SAMD5: variants seen among roughly 807,000 people sequenced by gnomAD.
SAMD5 encodes the protein sterile alpha motif domain containing 5.
A neutral mutation model predicts 11.3 loss-of-function variants in SAMD5; 13 were observed. That is an observed-to-expected ratio of 1.15 (90% CI 0.75 to 1.83). The LOEUF (loss-of-function observed/expected upper bound fraction) is 1.83, where lower values mean the gene tolerates loss of function less well. SAMD5 is among the 40% of genes most tolerant of loss of function. The probability of loss-of-function intolerance (pLI) is 0.00; values close to 1 mark genes in which losing one functional copy is unlikely to be tolerated. For synonymous variants in SAMD5, 129 were observed against 111.3 expected (o/e 1.16, Z -1.00); for missense variants, 255 against 239.1 (o/e 1.07, Z -0.44).
the SAMD5 span, among the ~76,000 whole-genome samples, chr6:147,755,901 C>T: frequency 6.6e-6 from 1 of 152,076 alleles, no homozygotes; most frequent in Non-Finnish European, 1.5e-5. Context: ...TCTAAAATAA[C>T]ATTGAACACA....
the SAMD5 span, among the ~76,000 whole-genome samples, chr6:147,793,585 C>T: frequency 6.6e-6 from 1 of 152,216 alleles, no homozygotes; most frequent in Non-Finnish European, 1.5e-5. Flanking sequence ...CTTTTTCAAA[C>T]AACTGGGTAT....
At chr6:147,856,067 A>G in the SAMD5 span, among the ~76,000 whole-genome samples, 1 of 152,204 alleles carries the variant, frequency 6.6e-6, no homozygotes, top group African/African-American at 2.4e-5. Context: ...ACTATGGTAT[A>G]GCGATACAAT....
chr6:147,813,356 T>C, the SAMD5 span, among the ~76,000 whole-genome samples: 41 of 152,358 alleles, frequency 2.7e-4, no homozygotes, highest in Non-Finnish European at 2.4e-4. Context: ...TAATTCTAGA[T>C]ACCCAGACTG....
chr6:147,622,190 C>T (rs1163033166), intron 1 of SAMD5, among the ~76,000 whole-genome samples: 2 of 152,152 alleles, frequency 1.3e-5, no homozygotes, highest in Non-Finnish European at 2.9e-5. Context: ...ATACCAAAAT[C>T]CTCAGATGGA....
downstream of SAMD5, among the ~76,000 whole-genome samples, chr6:147,737,734 A>G (rs1406425586): frequency 7.8e-6 from 1 of 128,298 alleles, no homozygotes; most frequent in Non-Finnish European, 1.5e-5. Flanking sequence ...AGTATTAAAC[A>G]TCCCAATTCT....
chr6:147,809,429 G>A, the SAMD5 span, among the ~76,000 whole-genome samples: 1 of 151,852 alleles, frequency 6.6e-6, no homozygotes, highest in Non-Finnish European at 1.5e-5. Context: ...TCAGCCATGG[G>A]CACTCCATGA....
intron 1 of SAMD5, among the ~76,000 whole-genome samples, chr6:147,558,103 C>T (rs1788886616): frequency 6.6e-6 from 1 of 152,106 alleles, no homozygotes. Context: ...TATAAGCATA[C>T]CGTCATGGCA....
intron 1 of SAMD5, among the ~76,000 whole-genome samples, chr6:147,582,261 G>A (rs1162463817): frequency 2.0e-5 from 3 of 151,894 alleles, no homozygotes. Context: ...TGGCTACCTG[G>A]GAGGCTGAGG....
At chr6:147,869,081 C>T in the SAMD5 span, among the ~76,000 whole-genome samples, 38 of 152,262 alleles carry the variant, frequency 2.5e-4, no homozygotes, top group African/African-American at 8.2e-4. Flanking sequence ...AAAAGGAAAA[C>T]GGATGTTCGT....
At chr6:147,645,379 C>A (rs1790382321) in intron 1 of SAMD5, among the ~76,000 whole-genome samples, 1 of 152,160 alleles carries the variant, frequency 6.6e-6, no homozygotes, top group Non-Finnish European at 1.5e-5. Flanking sequence ...ACTGTCCAAG[C>A]TCATTTCTCT....
At chr6:147,529,150 A>G (rs1788388960) in intron 1 of SAMD5, among the ~76,000 whole-genome samples, 1 of 152,222 alleles carries the variant, frequency 6.6e-6, no homozygotes, top group South Asian at 2.1e-4. Flanking sequence ...ATTCAGTGTT[A>G]GCTTTTATTA....
the SAMD5 span, among the ~76,000 whole-genome samples, chr6:147,751,955 C>T: frequency 8.0e-4 from 121 of 152,150 alleles, 1 homozygote; most frequent in African/African-American, 2.8e-3. Flanking sequence ...AATAGAAACT[C>T]TCATCATATA....
chr6:147,886,185 T>C, the SAMD5 span, among the ~76,000 whole-genome samples: 57 of 152,250 alleles, frequency 3.7e-4, no homozygotes, highest in African/African-American at 1.3e-3. Flanking sequence ...AGTATCACCA[T>C]ATTAAGGGAT....
chr6:147,723,552 C>T (rs1791584641), intron 1 of SAMD5, among the ~76,000 whole-genome samples: 1 of 152,176 alleles, frequency 6.6e-6, no homozygotes. Flanking sequence ...TGCCCCCAGA[C>T]TTCTCCCTGG....
chr6:147,526,317 C>G (rs1340302695), intron 1 of SAMD5, among the ~76,000 whole-genome samples: 2 of 152,130 alleles, frequency 1.3e-5, no homozygotes, highest in Non-Finnish European at 2.9e-5. Context: ...CAAGAATGTG[C>G]AAAGCACTGT....
chr6:147,713,785 G>C (rs1258876259), intron 1 of SAMD5, among the ~76,000 whole-genome samples: 1 of 151,922 alleles, frequency 6.6e-6, no homozygotes, highest in African/African-American at 2.4e-5. Flanking sequence ...CAAAGAAAAG[G>C]GTGAGACAAG....
the SAMD5 span, among the ~76,000 whole-genome samples, chr6:147,861,520 C>T: frequency 1.3e-5 from 2 of 152,122 alleles, no homozygotes; most frequent in Non-Finnish European, 2.9e-5. Flanking sequence ...GCTTTCCCTC[C>T]ATCACAGCCC....
the SAMD5 span, among the ~76,000 whole-genome samples, chr6:147,814,317 G>A: frequency 2.8e-4 from 42 of 152,094 alleles, no homozygotes; most frequent in Non-Finnish European, 4.3e-4. Flanking sequence ...GTATATTCAC[G>A]CATATTCAAA....
At chr6:147,896,393 A>G in the SAMD5 span, among the ~76,000 whole-genome samples, 1 of 152,052 alleles carries the variant, frequency 6.6e-6, no homozygotes, top group Non-Finnish European at 1.5e-5. Flanking sequence ...GGGAGCTCGG[A>G]GACAGGACAA....
Sources: gnomAD v4.1 joint callset for allele counts (sites outside exome capture counted in the v4.1 genomes callset) on GRCh38, gnomAD v4.1.1 for gene constraint, MANE v1.5 for transcripts, NCBI Gene and HGNC (gene_info 2026-07-23, HGNC 2026-07-21) for gene names.